DNAAF3: variants seen among roughly 807,000 people sequenced by gnomAD.
The protein encoded by DNAAF3 is UPF0470 protein C19orf51.
A neutral mutation model predicts 50.9 loss-of-function variants in DNAAF3; 40 were observed. That is an observed-to-expected ratio of 0.79 (90% confidence interval 0.61 to 1.02). DNAAF3 has a LOEUF of 1.02. Among genes scored for constraint, DNAAF3 ranks in the 50% least tolerant of loss-of-function variants. DNAAF3 has a pLI of 0.00. For synonymous variants in DNAAF3, 327 were observed against 322.8 expected, an observed-to-expected ratio of 1.01 and a Z score of -0.14; for missense variants, 763 against 744.7, an observed-to-expected ratio of 1.02 and a Z score of -0.29.
intron 4 of DNAAF3, among the ~76,000 whole-genome samples, chr19:55,163,969 A>G (rs954149401): frequency 2.0e-5 from 3 of 152,096 alleles, no homozygotes; most frequent in Non-Finnish European, 4.4e-5. Context: ...ATTGGGTCAC[A>G]GGGGCAGATT....
Position 55,165,961 on chromosome 19 carries a change from T to A in DNAAF3, c.125A>T (p.His42Leu), listed in dbSNP as rs1252732174. ...VDPDSQADTV[H>L]SNPELDVLLL... is the part of the protein sequence containing the mutation. ...CAGCACATCTAGCTCGGGGTTGCTG[T>A]GCACTGTATCGGCCTGGGAGTCTGG... The change falls in exon 3 of 12, where the codon CAC becomes CTC. Residue 42 changes from histidine to leucine, a missense_variant. By Grantham distance (99) the His-to-Leu change is moderately conservative (BLOSUM62 -3). Coordinates refer to ENST00000524407, the MANE Select transcript of DNAAF3 (RefSeq NM_001256715.2). The A allele has an allele frequency of 5.0e-6, 8 of 1,614,092 alleles. No homozygotes were observed. The highest frequency in any genetic ancestry group is 6.8e-6 in the Non-Finnish European group (8 of 1,180,040).
At position 55,162,126 on chromosome 19, in the gene DNAAF3, GC is replaced by G; in HGVS notation, c.480+6del. 8.0e-7 allele frequency: 1 copy of G among 1,246,964 alleles called. No homozygotes were observed. 77.2% of individuals were successfully genotyped at this position (1,246,964 alleles called of 1,614,324 possible). A position where few individuals can be genotyped will look rare whatever the true frequency, so the allele number is the denominator to read the frequency against. On this transcript the variant is annotated splice_donor_region_variant and intron_variant, in intron 5 of 11. Coordinates refer to ENST00000524407, the MANE Select transcript of DNAAF3 (RefSeq NM_001256715.2). ...CCCGATCCCAGATGGAGGCCGGGCG[GC>G]GGCACCTTGAGGGCGCGGAGGCTGA... is the stretch of plus-strand genomic sequence containing the variant.
rs142148946 is a variant in DNAAF3 at position 55,158,930 on chromosome 19, G to T, written c.*132C>A. The T allele has an allele frequency of 4.6e-5, 44 of 962,016 alleles. No homozygotes were observed. The highest frequency in any genetic ancestry group is 4.4e-4 in the African/African-American group (27 of 61,588). The allele number at this position is 962,016 out of a possible 1,614,324, so 59.6% of individuals were successfully genotyped here. The stretch of plus-strand genomic sequence containing the variant: ...GTCTACCAACACTCCCGGGGTGGGG[G>T]TGGCGGGTACTGAGTGGGAATGATT... On this transcript the variant is annotated 3_prime_UTR_variant, in exon 12 of 12. Transcript: ENST00000524407.
chr19:55,165,559 A>C (rs1599930038), intron 3 of DNAAF3, 96 bp from the exon 4 acceptor site: 2 of 1,228,462 alleles, frequency 1.6e-6, no homozygotes, highest in African/African-American at 1.5e-5. Flanking sequence ...CCTTCCACAC[A>C]CCCGAGTTCT....
rs755299958 is a variant in DNAAF3, at chr19:55,159,324, C to G, written c.1364G>C (p.Cys455Ser). The change falls in exon 12 of 12, where the codon TGC becomes TCC. Residue 455 changes from cysteine (C) to serine (S), a missense_variant. Transcript: ENST00000524407. ...ARPSETFARF[C>S]KSQESALGNT... The stretch of plus-strand genomic sequence containing the variant: ...GCCCAGAGCTGATTCCTGGGACTTG[C>G]AGAAACGTGCGAAGGTCTCTGAAGG... 3.1e-6 allele frequency: 5 copies of G among 1,614,024 alleles called. No individual in the cohort carries two copies. The Admixed American group carries it at 5.0e-5, about 16-fold the overall frequency.
intron 4 of DNAAF3, among the ~76,000 whole-genome samples, chr19:55,163,002 T>C (rs1484162679): frequency 4.2e-5 from 2 of 47,142 alleles, no homozygotes; most frequent in East Asian, 4.7e-4. Flanking sequence ...TTTTTCTTTT[T>C]TTTTTTTTTT....
chr19:55,162,245 C>A lies in DNAAF3; in HGVS notation c.368G>T (p.Arg123Leu). ...ACGCACGAAGGCGGCCACTGGCGGGCGCAGCAGCGCGTTCCCCCACACTTC... is the reference window on the plus strand; with the variant it reads ...ACGCACGAAGGCGGCCACTGGCGGGAGCAGCAGCGCGTTCCCCCACACTTC... ...FLEVWGNALL[R>L]PPVAAFVRAQ... The change falls in exon 5 of 12, where the codon CGC (arginine) becomes CTC (leucine). Residue 123 changes from arginine (R) to leucine (L), a missense_variant. Coordinates refer to ENST00000524407, the MANE Select transcript of DNAAF3 (RefSeq NM_001256715.2). 3.2e-6 allele frequency: 4 copies of A among 1,246,972 alleles called. No homozygotes were observed. Among genetic ancestry groups the A allele is most frequent in the Non-Finnish European group, 4.0e-6 (4 of 989,288 alleles). 77.2% of individuals were successfully genotyped at this position (1,246,972 alleles called of 1,614,324 possible). A position where few individuals can be genotyped will look rare whatever the true frequency, so the allele number is the denominator to read the frequency against.
rs2085816274 is a variant in DNAAF3 at position 55,160,963 on chromosome 19, G to T, written c.912+102C>A. On this transcript the variant is annotated intron_variant, in intron 8 of 11. Coordinates refer to ENST00000524407, the MANE Select transcript of DNAAF3 (RefSeq NM_001256715.2). This position sits in a 1 kb window ranked among gnomAD's most constrained non-coding sequence, Gnocchi z 4.7. ...GAGTCGTTCCCACCAAGCGACGGGC[G>T]GGGTCTGGAGCTGGGGGCGGGGCCT... is the stretch of plus-strand genomic sequence containing the variant. 6.9e-7 allele frequency: 1 copy of T among 1,455,972 alleles called. No homozygotes were observed. Among genetic ancestry groups the T allele is most frequent in the Non-Finnish European group, 9.0e-7 (1 of 1,107,686 alleles). 90.2% of individuals were successfully genotyped at this position (1,455,972 alleles called of 1,614,324 possible).
At chr19:55,162,518 G>A (rs996417159) in intron 4 of DNAAF3, 1 of 805,708 alleles carries the variant, frequency 1.2e-6, no homozygotes, top group Middle Eastern at 4.6e-4. Flanking sequence ...ACCCGGAGGC[G>A]GAGGTTGCAA....
chr19:55,158,691 C>T lies in DNAAF3; in HGVS notation c.*371G>A, dbSNP rs369312182. Reference sequence around the variant, plus strand: ...GTGGACACAACTTGCTTTACTTGAACCATCTGGGTGCTGACCAGGCCCTGG... The same window carrying T: ...GTGGACACAACTTGCTTTACTTGAATCATCTGGGTGCTGACCAGGCCCTGG... On this transcript the variant is annotated 3_prime_UTR_variant, in exon 12 of 12. Coordinates refer to ENST00000524407, the MANE Select transcript of DNAAF3 (RefSeq NM_001256715.2). 1 of 189,602 alleles carries T rather than the reference C, an allele frequency of 5.3e-6. No individual in the cohort carries two copies. The highest frequency in any genetic ancestry group is 2.3e-5 in the African/African-American group (1 of 42,806). 11.7% of individuals were successfully genotyped at this position (189,602 alleles called of 1,614,324 possible). A position where few individuals can be genotyped will look rare whatever the true frequency, so the allele number is the denominator to read the frequency against.
chr19:55,159,153 T>G lies in DNAAF3; in HGVS notation c.1535A>C (p.Glu512Ala). 6.2e-7 allele frequency: 1 copy of G among 1,613,710 alleles called. No homozygotes were observed. Among genetic ancestry groups the G allele is most frequent in the Non-Finnish European group, 8.5e-7 (1 of 1,180,018 alleles). ...AACCTCTGAGAGTGAACCTGGAGACTCAGAGGGCAGCTGGCAGGGCTCACA... is the reference window on the plus strand; with the variant it reads ...AACCTCTGAGAGTGAACCTGGAGACGCAGAGGGCAGCTGGCAGGGCTCACA... ...PHCEPCQLPSESPGSLSEVLA... is the reference protein window; with the variant it reads ...PHCEPCQLPSASPGSLSEVLA... Residue 512 changes from glutamate (E) to alanine (A), a missense_variant, in exon 12 of 12, where the codon GAG becomes GCG. By Grantham distance (107) the Glu-to-Ala change is moderately radical. Coordinates refer to ENST00000524407, the MANE Select transcript of DNAAF3 (RefSeq NM_001256715.2).
chr19:55,162,330 A>T, intron 4 of DNAAF3, 40 bp from the exon 5 acceptor site: 1 of 1,248,640 alleles, frequency 8.0e-7, no homozygotes, highest in Non-Finnish European at 1.0e-6. Flanking sequence ...TGTGTGGAGG[A>T]GGGAGCCCAG....
chr19:55,160,547 G>A lies in DNAAF3; in HGVS notation c.1048+93C>T. 7 of 1,583,082 alleles carry A rather than the reference G, an allele frequency of 4.4e-6. No homozygotes were observed. Among genetic ancestry groups the A allele is most frequent in the Non-Finnish European group, 6.0e-6 (7 of 1,165,862 alleles). On this transcript the variant is annotated intron_variant, in intron 9 of 11. Coordinates refer to ENST00000524407, the MANE Select transcript of DNAAF3 (RefSeq NM_001256715.2). The surrounding 1 kb of genome is among the most constrained non-coding windows in gnomAD (Gnocchi z 4.7). ...ACAGAATATCAAGAAGCCGTCACTT[G>A]CCCAGGCATTCCAAATCATGTCAGT... is the stretch of plus-strand genomic sequence containing the variant.
At position 55,160,839 on chromosome 19, in the gene DNAAF3, T is replaced by C. The variant is rs368878245; in HGVS notation, c.913-64A>G. 2.6e-6 allele frequency: 4 copies of C among 1,566,458 alleles called. No homozygotes were observed. The East Asian group carries it at 9.2e-5, about 36-fold the overall frequency. On this transcript the variant is annotated intron_variant, in intron 8 of 11. Coordinates refer to ENST00000524407, the MANE Select transcript of DNAAF3 (RefSeq NM_001256715.2). The surrounding 1 kb of genome is among the most constrained non-coding windows in gnomAD (Gnocchi z 4.7). ...GATGGCGGGGCGGGGCTTAGAACGC[T>C]GGGAGTCCTCGGTCCAGGACTAGAA...
At chr19:55,163,456 C>T (rs970144657) in intron 4 of DNAAF3, among the ~76,000 whole-genome samples, 2 of 151,838 alleles carry the variant, frequency 1.3e-5, no homozygotes, top group African/African-American at 4.8e-5. Context: ...CCGCGCCCGG[C>T]CAATATTTTA....
Position 55,159,543 on chromosome 19 carries a change from C to G in DNAAF3, c.1228G>C (p.Glu410Gln). ...CVAPGGNLIV[E>Q]LARYLVDVRQ... Reference sequence around the variant, plus strand: ...ACCCCACTGACTCACCGGGCTAATTCCACAATCAAGTTCCCTCCGGGTGCC... The same window carrying G: ...ACCCCACTGACTCACCGGGCTAATTGCACAATCAAGTTCCCTCCGGGTGCC... The change falls in exon 11 of 12, where the codon GAA (glutamate) becomes CAA (glutamine). Residue 410 changes from glutamate (E) to glutamine (Q), a missense_variant. Glu to Gln is a conservative substitution (Grantham distance 29). Coordinates refer to ENST00000524407, the MANE Select transcript of DNAAF3 (RefSeq NM_001256715.2). The G allele has an allele frequency of 6.3e-7, 1 of 1,599,352 alleles. No individual in the cohort carries two copies. Among genetic ancestry groups the G allele is most frequent in the Admixed American group, 1.7e-5 (1 of 58,794 alleles).
intron 4 of DNAAF3, 132 bp downstream of exon 4, chr19:55,165,238 A>C: frequency 1.2e-6 from 1 of 855,994 alleles, no homozygotes. Context: ...CAATGGCGCG[A>C]TCTCGGCTCA....
At chr19:55,166,625 C>G (rs574117710), upstream of DNAAF3, 22 of 1,613,844 alleles carry the variant, frequency 1.4e-5, no homozygotes, top group Admixed American at 2.0e-4. This position sits in a 1 kb window ranked among gnomAD's most constrained non-coding sequence, Gnocchi z 4.0. Flanking sequence ...CCGCCCTTTT[C>G]GAGGAATCAA....
At chr19:55,163,255 G>A (rs1486239528) in intron 4 of DNAAF3, among the ~76,000 whole-genome samples, 7 of 149,714 alleles carry the variant, frequency 4.7e-5, no homozygotes, top group African/African-American at 1.2e-4. Flanking sequence ...TGATCCACCC[G>A]CCTCAGCCTC....
Sources: allele counts gnomAD v4.1 joint callset (sites outside exome capture counted in the v4.1 genomes callset), GRCh38; gene constraint gnomAD v4.1.1; non-coding constraint Gnocchi (gnomAD v3.1); transcripts MANE v1.5; gene names NCBI Gene and HGNC (gene_info 2026-07-23, HGNC 2026-07-21).